The following FAF1 variants were observed in gnomAD, a reference collection of about 807,000 sequenced individuals.
The protein encoded by FAF1 is Fas associated factor 1, also known as FAS-associated factor 1.
In FAF1, 25 loss-of-function variants were observed where a neutral mutation model predicts 92.5. The ratio of observed to expected loss-of-function variants is 0.27; its 90% CI spans 0.20 to 0.38. The LOEUF (loss-of-function observed/expected upper bound fraction) is 0.38, where lower values mean the gene tolerates loss of function less well. Ranked by LOEUF, FAF1 falls within the 10% of genes least tolerant of loss-of-function variation. FAF1 has a pLI of 1.00. For synonymous variants in FAF1, 234 were observed against 273.2 expected, an observed-to-expected ratio of 0.86 and a Z score of 1.42; for missense variants, 636 against 793.3, an observed-to-expected ratio of 0.80 and a Z score of 2.38.
At chr1:50,829,859 A>G (rs1378063326) in intron 2 of FAF1, among the ~76,000 whole-genome samples, 3 of 152,240 alleles carry the variant, frequency 2.0e-5, no homozygotes, top group African/African-American at 7.2e-5. Context: ...AATAAGAAAA[A>G]TATCATTGTA....
At chr1:50,746,228 A>C (rs1659580012) in intron 4 of FAF1, among the ~76,000 whole-genome samples, 1 of 129,242 alleles carries the variant, frequency 7.7e-6, no homozygotes, top group Non-Finnish European at 1.6e-5. Flanking sequence ...GTGTGAGCAA[A>C]GAAATGACCT....
intron 9 of FAF1, among the ~76,000 whole-genome samples, chr1:50,591,618 A>G (rs1323031080): frequency 6.8e-6 from 1 of 147,422 alleles, no homozygotes; most frequent in Non-Finnish European, 1.5e-5. Flanking sequence ...GGTTGCAGTG[A>G]GCCGAGATCG....
intron 6 of FAF1, among the ~76,000 whole-genome samples, chr1:50,733,648 C>T (rs1335524548): frequency 3.3e-5 from 5 of 152,152 alleles, no homozygotes; most frequent in African/African-American, 9.7e-5. Context: ...GAGGACATGG[C>T]AGGAAGTTGG....
In FAF1 at chr1:50,606,489, CTTTTTTTTTT is replaced by C. The variant is rs34498946; in HGVS notation, c.745-10283_745-10274del. Among the ~76,000 whole-genome samples the C allele has an allele frequency of 1.4e-3, 83 of 58,558 alleles. 1 individual carries two copies. The highest frequency in any genetic ancestry group is 0.026 in the Middle Eastern group (2 of 78). The allele number at this position is 58,558 out of a possible 152,430, so 38.4% of individuals were successfully genotyped here. A position where few individuals can be genotyped will look rare whatever the true frequency, so the allele number is the denominator to read the frequency against. On this transcript the variant is annotated intron_variant, in intron 8 of 18. Transcript: ENST00000396153. ...AGATATATTGTAGCTGTGAGAGTTG[CTTTTTTTTTT>C]TTTTTTTTTTTTTTTTTGAGACGGA...
At chr1:50,907,413 T>A (rs1000070320) in intron 1 of FAF1, among the ~76,000 whole-genome samples, 5 of 152,172 alleles carry the variant, frequency 3.3e-5, no homozygotes, top group African/African-American at 7.2e-5. Flanking sequence ...TTAGGGAGGA[T>A]TCCCTCTTTT....
chr1:50,858,918 A>G (rs893263295), intron 1 of FAF1, among the ~76,000 whole-genome samples: 6 of 151,880 alleles, frequency 4.0e-5, no homozygotes, highest in African/African-American at 1.4e-4. Flanking sequence ...CAAATCCAAC[A>G]GCACATCAAA....
chr1:50,939,529 G>A (rs1413838040), intron 1 of FAF1, among the ~76,000 whole-genome samples: 3 of 152,144 alleles, frequency 2.0e-5, no homozygotes, highest in Non-Finnish European at 4.4e-5. Flanking sequence ...TGCCTGCTCT[G>A]GCTAGGACTA....
At chr1:50,632,333 C>T (rs1223618475) in intron 8 of FAF1, among the ~76,000 whole-genome samples, 1 of 152,166 alleles carries the variant, frequency 6.6e-6, no homozygotes, top group Non-Finnish European at 1.5e-5. Flanking sequence ...ACGAGTAACA[C>T]AAATCAGATC....
At chr1:50,533,335 A>G (rs1402114421) in intron 15 of FAF1, among the ~76,000 whole-genome samples, 1 of 152,142 alleles carries the variant, frequency 6.6e-6, no homozygotes, top group African/African-American at 2.4e-5. Flanking sequence ...GGCCTCCCAA[A>G]GTGTTGGGAT....
chr1:50,507,726 A>T (rs2149020463), intron 15 of FAF1, among the ~76,000 whole-genome samples: 2 of 152,316 alleles, frequency 1.3e-5, no homozygotes, highest in Admixed American at 1.3e-4. Context: ...AAAAAAGAAA[A>T]AAGGTAAGAA....
At chr1:50,658,019 T>C (rs778150234) in intron 7 of FAF1, among the ~76,000 whole-genome samples, 4 of 152,198 alleles carry the variant, frequency 2.6e-5, no homozygotes, top group Non-Finnish European at 4.4e-5. Context: ...CCAAATGCAA[T>C]TGGGTTAACC....
intron 17 of FAF1, among the ~76,000 whole-genome samples, chr1:50,480,648 C>T (rs146055233): frequency 1.6e-4 from 25 of 152,242 alleles, no homozygotes; most frequent in African/African-American, 5.8e-4. Context: ...TAGTATGTGC[C>T]ACATAGGGAC....
At chr1:50,729,482 G>A (rs147880016) in intron 6 of FAF1, among the ~76,000 whole-genome samples, 169 of 150,352 alleles carry the variant, frequency 1.1e-3, no homozygotes, top group African/African-American at 3.7e-3. Flanking sequence ...TCCTAGCTCA[G>A]TGCAACCTCT....
chr1:50,670,000 A>G (rs1655798329), intron 7 of FAF1, among the ~76,000 whole-genome samples: 1 of 152,096 alleles, frequency 6.6e-6, no homozygotes, highest in African/African-American at 2.4e-5. Flanking sequence ...GCATGCCTGT[A>G]ATCCCAGCTA....
intron 18 of FAF1, among the ~76,000 whole-genome samples, chr1:50,446,811 A>C (rs991651817): frequency 5.9e-5 from 9 of 151,982 alleles, no homozygotes; most frequent in African/African-American, 2.2e-4. Flanking sequence ...TTTTCTTTTT[A>C]ATGTTCCTAA....
chr1:50,791,907 C>T (rs1462145604), intron 3 of FAF1, among the ~76,000 whole-genome samples: 2 of 152,168 alleles, frequency 1.3e-5, no homozygotes, highest in African/African-American at 2.4e-5. Flanking sequence ...CTTTCAAGGA[C>T]AAGATTCAAG....
chr1:50,498,309 A>G (rs190341113), intron 15 of FAF1, among the ~76,000 whole-genome samples: 1 of 152,338 alleles, frequency 6.6e-6, no homozygotes, highest in Admixed American at 6.5e-5. Context: ...TAACATTCTT[A>G]GATAAAAACA....
intron 17 of FAF1, among the ~76,000 whole-genome samples, chr1:50,490,007 G>A (rs1646811376): frequency 2.0e-5 from 3 of 152,128 alleles, no homozygotes; most frequent in African/African-American, 7.2e-5. Flanking sequence ...GGAAACGTTA[G>A]GTCTTCCATA....
intron 1 of FAF1, among the ~76,000 whole-genome samples, chr1:50,952,318 C>T (rs529633689): frequency 1.3e-3 from 193 of 152,340 alleles, no homozygotes; most frequent in African/African-American, 4.0e-3. Flanking sequence ...CCGTGTTGGC[C>T]GGGCTGGTTT....
Sources: allele counts gnomAD v4.1 joint callset (sites outside exome capture counted in the v4.1 genomes callset), GRCh38; gene constraint gnomAD v4.1.1; transcripts MANE v1.5; gene names NCBI Gene and HGNC (gene_info 2026-07-23, HGNC 2026-07-21).